The following TENT4A variants were observed in gnomAD, a reference collection of about 807,000 sequenced individuals.
The protein encoded by TENT4A is terminal nucleotidyltransferase 4A.
TENT4A carries 7 observed loss-of-function variants against 72.8 expected under a neutral mutation model. That is an observed-to-expected ratio of 0.10 (90% CI 0.05 to 0.18). The LOEUF is 0.18. Among genes scored for constraint, TENT4A ranks in the 10% least tolerant of loss-of-function variants. The probability of loss-of-function intolerance (pLI) is 1.00; values close to 1 mark genes in which losing one functional copy is unlikely to be tolerated. For missense variants in TENT4A, 831 were observed against 1,017.7 expected (o/e 0.82, Z 2.50); for synonymous variants, 456 against 434.3 (o/e 1.05, Z -0.62).
intron 7 of TENT4A, 33 bp from the exon 8 acceptor site, chr5:6,748,431 T>C: frequency 6.2e-7 from 1 of 1,611,178 alleles, no homozygotes. Context: ...GGTGTGCATG[T>C]GGGGAGGGTC....
intron 1 of TENT4A, among the ~76,000 whole-genome samples, chr5:6,731,858 C>T (rs1741230765): frequency 6.6e-6 from 1 of 152,208 alleles, no homozygotes; most frequent in African/African-American, 2.4e-5. Context: ...CCTAGACAAG[C>T]CCATAGTATG....
At chr5:6,729,421 C>T (rs1303206690) in intron 1 of TENT4A, among the ~76,000 whole-genome samples, 1 of 152,182 alleles carries the variant, frequency 6.6e-6, no homozygotes, top group Non-Finnish European at 1.5e-5. Flanking sequence ...ATCTTTCATC[C>T]AGTGTAAGGA....
intron 1 of TENT4A, among the ~76,000 whole-genome samples, chr5:6,727,327 G>C (rs1312531437): frequency 6.6e-6 from 1 of 152,188 alleles, no homozygotes; most frequent in Non-Finnish European, 1.5e-5. Context: ...GCTGCATGCA[G>C]GCCGAGGGCC....
intron 7 of TENT4A, among the ~76,000 whole-genome samples, chr5:6,747,009 T>A (rs1488244153): frequency 2.0e-5 from 3 of 152,264 alleles, no homozygotes; most frequent in African/African-American, 7.2e-5. Flanking sequence ...GGGGTATTTA[T>A]GTCCTCATTC....
At position 6,752,971 on chromosome 5, in the gene TENT4A, C is replaced by T. The variant is rs1216989057; in HGVS notation, c.2118C>T (p.His706=). Residue 706 remains histidine (H), a synonymous_variant, in exon 12 of 13, where the codon CAC becomes CAT. Coordinates refer to ENST00000230859, the MANE Select transcript of TENT4A (RefSeq NM_006999.6). ...EGTASLKAVH[H]MSSPAIPSAS... is the part of the protein sequence containing the mutation. ...CTGCGTCTTTGAAAGCCGTCCACCA[C>T]ATGTCTTCCCCGGCCATTCCCTCAG... is the stretch of plus-strand genomic sequence containing the variant. The T allele has an allele frequency of 1.2e-6, 2 of 1,614,228 alleles. No homozygotes were observed. Among genetic ancestry groups the T allele is most frequent in the Non-Finnish European group, 8.5e-7 (1 of 1,180,044 alleles).
chr5:6,740,422 T>A (rs189291715), intron 4 of TENT4A, among the ~76,000 whole-genome samples: 44 of 152,356 alleles, frequency 2.9e-4, no homozygotes, highest in Non-Finnish European at 2.9e-5. Context: ...TATGAGGTAC[T>A]TGCCTGTTGT....
chr5:6,725,158 A>G (rs1490033588), intron 1 of TENT4A, among the ~76,000 whole-genome samples: 1 of 152,132 alleles, frequency 6.6e-6, no homozygotes, highest in Admixed American at 6.5e-5. Context: ...CATCTCTACT[A>G]AAAATACAAA....
intron 11 of TENT4A, 148 bp downstream of exon 11, chr5:6,751,345 C>T (rs1742392508): frequency 1.2e-6 from 1 of 815,724 alleles, no homozygotes; most frequent in Non-Finnish European, 1.9e-6. Context: ...CTAGGAAATC[C>T]TCTCTTTTTT....
intron 1 of TENT4A, chr5:6,715,174 G>A (rs1382033510): frequency 6.6e-6 from 1 of 152,228 alleles, no homozygotes; most frequent in Non-Finnish European, 1.5e-5. Flanking sequence ...TGTCAACTTA[G>A]AGGTGATTCA....
chr5:6,716,056 G>A (rs1347132760), intron 1 of TENT4A, among the ~76,000 whole-genome samples: 3 of 152,108 alleles, frequency 2.0e-5, no homozygotes, highest in African/African-American at 7.2e-5. Flanking sequence ...CTTAGCACTA[G>A]AAAAAACAGG....
At chr5:6,750,833 T>G in intron 10 of TENT4A, 1 of 587,524 alleles carries the variant, frequency 1.7e-6, no homozygotes, top group Non-Finnish European at 3.0e-6. Context: ...CTCTTCTGTA[T>G]TTCCTTTAAC....
intron 1 of TENT4A, 63 bp downstream of exon 1, chr5:6,714,762 G>GTCCTGGCCGGCGCCCGCGA (rs1740277629): frequency 4.2e-6 from 4 of 948,756 alleles, no homozygotes; most frequent in Non-Finnish European, 5.4e-6. Context: ...GGCGCCCGCG[G>GTCCTGGCCGGCGCCCGCGA]TGCAGACACC....
In TENT4A at chr5:6,713,466, TCACCGCCGC is replaced by T. The variant is rs1385182840; in HGVS notation, c.-516_-508del. ...CGCTGTCGCCGCCGAGAGTGTCTTT[TCACCGCCGC>T]CGCCGCCGCCGCCGCAGGAGCGCCG... On this transcript the variant is annotated 5_prime_UTR_variant, in exon 1 of 13. Coordinates refer to ENST00000230859, the MANE Select transcript of TENT4A (RefSeq NM_006999.6). 6.6e-6 allele frequency: 1 copy of T among 151,106 alleles called. No individual in the cohort carries two copies. Among genetic ancestry groups the T allele is most frequent in the Non-Finnish European group, 1.5e-5 (1 of 68,196 alleles). The allele number at this position is 151,106 out of a possible 1,614,324, so 9.4% of individuals were successfully genotyped here.
chr5:6,721,428 C>G (rs952201544), intron 1 of TENT4A, among the ~76,000 whole-genome samples: 1 of 152,214 alleles, frequency 6.6e-6, no homozygotes, highest in Non-Finnish European at 1.5e-5. Flanking sequence ...CAAGAAAATT[C>G]TATACTGTAT....
chr5:6,733,065 G>C (rs1463250016), intron 1 of TENT4A, among the ~76,000 whole-genome samples: 2 of 152,206 alleles, frequency 1.3e-5, no homozygotes, highest in Non-Finnish European at 2.9e-5. Flanking sequence ...CCCCACCTCA[G>C]TTTGTCCGTT....
chr5:6,720,657 A>G (rs978032444), intron 1 of TENT4A, among the ~76,000 whole-genome samples: 1 of 151,250 alleles, frequency 6.6e-6, no homozygotes, highest in Non-Finnish European at 1.5e-5. Flanking sequence ...GCCTGGTGAC[A>G]GAGCGAGACT....
At position 6,754,759 on chromosome 5, in the gene TENT4A, C is replaced by T. The variant is rs753319761; in HGVS notation, c.2193C>T (p.Asn731=). Residue 731 remains asparagine, a synonymous_variant, in exon 13 of 13, where the codon AAC becomes AAT. Coordinates refer to ENST00000230859, the MANE Select transcript of TENT4A (RefSeq NM_006999.6). ...SSPHLYHKQH[N]GMKLSMKGSH... is the part of the protein sequence containing the mutation. ...TCTCTCTCTTTCTCCAGCAGCACAA[C>T]GGCATGAAACTGTCCATGAAGGGCT... The T allele has an allele frequency of 2.0e-5, 31 of 1,572,924 alleles. No individual in the cohort carries two copies. Among genetic ancestry groups the T allele is most frequent in the Middle Eastern group, 1.7e-4 (1 of 5,932 alleles).
chr5:6,738,571 GTTTTATT>G, intron 2 of TENT4A, 105 bp from the exon 3 acceptor site: 1 of 809,322 alleles, frequency 1.2e-6, no homozygotes, highest in South Asian at 1.4e-5. Flanking sequence ...TTCCAAGGTA[GTTTTATT>G]TTTTACCCAA....
At chr5:6,741,156 C>T (rs1274687084) in intron 4 of TENT4A, among the ~76,000 whole-genome samples, 1 of 152,176 alleles carries the variant, frequency 6.6e-6, no homozygotes, top group Non-Finnish European at 1.5e-5. Context: ...GACCTCGTTA[C>T]TGTCGCATAT....
Sources: gnomAD v4.1 joint callset for allele counts (sites outside exome capture counted in the v4.1 genomes callset) on GRCh38, gnomAD v4.1.1 for gene constraint, MANE v1.5 for transcripts, NCBI Gene and HGNC (gene_info 2026-07-23, HGNC 2026-07-21) for gene names.